The following FAF1 variants were observed in gnomAD, a reference collection of about 807,000 sequenced individuals.
FAF1 encodes the protein FAS-associated factor 1.
Under a neutral mutation model 92.5 loss-of-function variants are expected in FAF1, and 25 were observed. That is an observed-to-expected ratio of 0.27 (90% CI 0.20 to 0.38). The LOEUF is 0.38. Ranked by LOEUF, FAF1 falls within the 10% of genes least tolerant of loss-of-function variation. The pLI, the probability that FAF1 is intolerant of heterozygous loss-of-function variation, is 1.00. For synonymous variants in FAF1, 234 were observed against 273.2 expected, an observed-to-expected ratio of 0.86 and a Z score of 1.42; for missense variants, 636 against 793.3, an observed-to-expected ratio of 0.80 and a Z score of 2.38.
intron 13 of FAF1, among the ~76,000 whole-genome samples, chr1:50,540,631 GCTTTTCTCTTCTATTA>G (rs972046902): frequency 3.3e-5 from 5 of 152,128 alleles, no homozygotes; most frequent in African/African-American, 1.2e-4. Context: ...AACTGATAAA[GCTTTTCTCTTCTATTA>G]GAGGACTGTT....
chr1:50,662,682 T>C (rs1254389650), intron 7 of FAF1, among the ~76,000 whole-genome samples: 1 of 114,794 alleles, frequency 8.7e-6, no homozygotes, highest in Non-Finnish European at 1.8e-5. Flanking sequence ...TGAATTTGTA[T>C]CTTTTTTTTT....
At chr1:50,663,415 A>AT (rs1188471030) in intron 7 of FAF1, among the ~76,000 whole-genome samples, 13,714 of 135,862 alleles carry the variant, frequency 0.1, 1,029 homozygotes, top group African/African-American at 0.19. Flanking sequence ...TTTAATTTCA[A>AT]TTTTTTTTTT....
chr1:50,871,847 C>T (rs545600542), intron 1 of FAF1, among the ~76,000 whole-genome samples: 2 of 151,918 alleles, frequency 1.3e-5, no homozygotes, highest in Non-Finnish European at 2.9e-5. Context: ...GGGCGGATCA[C>T]GAGGTCAGGA....
chr1:50,478,697 A>G (rs969109449), intron 17 of FAF1, among the ~76,000 whole-genome samples: 8 of 152,230 alleles, frequency 5.3e-5, no homozygotes, highest in African/African-American at 1.9e-4. Flanking sequence ...AATGTTGTAC[A>G]ACCATCACTA....
At chr1:50,769,121 C>A (rs1660686750) in intron 4 of FAF1, among the ~76,000 whole-genome samples, 1 of 151,772 alleles carries the variant, frequency 6.6e-6, no homozygotes, top group African/African-American at 2.4e-5. Context: ...GGGACATTAC[C>A]ACCAAACCCA....
rs576295526 is a variant in FAF1 at position 50,555,263 on chromosome 1, A to C, written c.1268+11814T>G. On this transcript the variant is annotated intron_variant, in intron 13 of 18. Transcript: ENST00000396153. ...AGGACCCTGACACACACACACACAC[A>C]CCCCAGGACTCTGACACACACACAC... 4.0e-4 allele frequency among the ~76,000 whole-genome samples: 60 copies of C among 148,964 alleles called. 1 individual carries two copies. The highest frequency in any genetic ancestry group is 8.6e-4 in the African/African-American group (34 of 39,386).
intron 1 of FAF1, among the ~76,000 whole-genome samples, chr1:50,871,603 ATATGGGTTACTCAATATTTTAAC>A (rs1416226553): frequency 3.3e-5 from 5 of 152,196 alleles, no homozygotes; most frequent in African/African-American, 1.2e-4. Flanking sequence ...TCTCTTTACC[ATATGGGTTACTCAATATTTTAAC>A]CCAGCTTCTG....
At chr1:50,788,774 C>T (rs1191322903) in intron 3 of FAF1, among the ~76,000 whole-genome samples, 1 of 152,190 alleles carries the variant, frequency 6.6e-6, no homozygotes, top group African/African-American at 2.4e-5. Context: ...CTCTTTCTCA[C>T]TTCCTATAAA....
At chr1:50,660,652 C>T (rs1388160856) in intron 7 of FAF1, among the ~76,000 whole-genome samples, 1 of 152,062 alleles carries the variant, frequency 6.6e-6, no homozygotes, top group Non-Finnish European at 1.5e-5. Context: ...TGCCACCACA[C>T]CTGGCTAATT....
chr1:50,758,835 T>TTTA (rs1197538518), intron 4 of FAF1, among the ~76,000 whole-genome samples: 1 of 152,104 alleles, frequency 6.6e-6, no homozygotes, highest in Admixed American at 6.6e-5. Flanking sequence ...GTCTGTATTT[T>TTTA]TTATTATTAT....
Position 50,875,817 on chromosome 1 carries a change from C to A in FAF1, c.46-17820G>T, listed in dbSNP as rs185837313. Among the ~76,000 whole-genome samples the A allele has an allele frequency of 3.9e-5, 6 of 152,248 alleles. No individual in the cohort carries two copies. In the East Asian group the frequency reaches 5.8e-4, roughly 15 times the overall value. On this transcript the variant is annotated intron_variant, in intron 1 of 18. Transcript: ENST00000396153. ...ACAATACAGCTCATGAACTTACCCC[C>A]CTAACTGAAATTTTGTATCCTTTGA...
rs74080022 is a variant in FAF1 at position 50,589,454 on chromosome 1, C to T, written c.841-4643G>A. 7.7e-3 allele frequency among the ~76,000 whole-genome samples: 1,171 copies of T among 152,286 alleles called. 13 individuals carry two copies. Among genetic ancestry groups the T allele is most frequent in the African/African-American group, 0.027 (1,131 of 41,560 alleles). On this transcript the variant is annotated intron_variant, in intron 9 of 18. Transcript: ENST00000396153. ...CCCAGAGACTGTCAAGGCTGCTGGGCTGTGTTCCCAGGCCAGAACAACTAC... is the reference window on the plus strand; with the variant it reads ...CCCAGAGACTGTCAAGGCTGCTGGGTTGTGTTCCCAGGCCAGAACAACTAC...
chr1:50,948,637 A>T (rs554821759), intron 1 of FAF1, among the ~76,000 whole-genome samples: 217 of 150,376 alleles, frequency 1.4e-3, no homozygotes, highest in African/African-American at 5.2e-3. Flanking sequence ...GATTCAAGCG[A>T]TTCTCACGCC....
In FAF1 at chr1:50,689,410, C is replaced by G. The variant is rs559844110; in HGVS notation, c.657+16376G>C. ...CCATCCTCGCTAACACAGTGAAACCCCGTCTCTACTAAACATAGAAAAAAT... is the reference window on the plus strand; with the variant it reads ...CCATCCTCGCTAACACAGTGAAACCGCGTCTCTACTAAACATAGAAAAAAT... On this transcript the variant is annotated intron_variant, in intron 7 of 18. Coordinates refer to ENST00000396153, the MANE Select transcript of FAF1 (RefSeq NM_007051.3). Among the ~76,000 whole-genome samples the G allele has an allele frequency of 2.0e-5, 3 of 152,126 alleles. No homozygotes were observed. In the East Asian group the frequency reaches 5.8e-4, roughly 29 times the overall value.
In FAF1 at chr1:50,646,048, C is replaced by T. The variant is rs531030579; in HGVS notation, c.744+9394G>A. ...AAAATGGCAACTTCATATGGTCCCACCTAATAATATGTTAACCCATGTAAT... is the reference window on the plus strand; with the variant it reads ...AAAATGGCAACTTCATATGGTCCCATCTAATAATATGTTAACCCATGTAAT... On this transcript the variant is annotated intron_variant, in intron 8 of 18. Coordinates refer to ENST00000396153, the MANE Select transcript of FAF1 (RefSeq NM_007051.3). Among the ~76,000 whole-genome samples, 13 of 152,210 alleles carry T rather than the reference C, an allele frequency of 8.5e-5. No homozygotes were observed. In the South Asian group the frequency reaches 2.7e-3, roughly 32 times the overall value.
At chr1:50,909,916 G>A (rs531855493) in intron 1 of FAF1, among the ~76,000 whole-genome samples, 11 of 152,264 alleles carry the variant, frequency 7.2e-5, no homozygotes, top group African/African-American at 1.9e-4. Flanking sequence ...GCTTTGTTCC[G>A]TTGCTGGTGA....
At chr1:50,906,988 T>C (rs200021493) in intron 1 of FAF1, among the ~76,000 whole-genome samples, 2 of 152,160 alleles carry the variant, frequency 1.3e-5, no homozygotes, top group East Asian at 1.9e-4. Flanking sequence ...CCAGTTTTTG[T>C]GCATTCAGTA....
intron 18 of FAF1, among the ~76,000 whole-genome samples, chr1:50,459,354 C>T (rs1186527355): frequency 2.0e-5 from 3 of 152,156 alleles, no homozygotes; most frequent in Admixed American, 1.3e-4. Context: ...CTGCCAGGGG[C>T]ATTTTCTGGT....
intron 8 of FAF1, among the ~76,000 whole-genome samples, chr1:50,623,027 TA>T (rs1557440888): frequency 6.6e-6 from 1 of 152,160 alleles, no homozygotes; most frequent in African/African-American, 2.4e-5. Context: ...GGCTCACTAA[TA>T]TCATCTTCTC....
Sources: allele counts gnomAD v4.1 joint callset (sites outside exome capture counted in the v4.1 genomes callset), GRCh38; gene constraint gnomAD v4.1.1; transcripts MANE v1.5; gene names NCBI Gene and HGNC (gene_info 2026-07-23, HGNC 2026-07-21).